Variants in GALK1 observed in about 807,000 individuals in gnomAD.
The protein encoded by GALK1 is galactokinase 1, also known as galactokinase.
Under a neutral mutation model 38.6 loss-of-function variants are expected in GALK1, and 30 were observed. That is an observed-to-expected ratio of 0.78 (90% CI 0.58 to 1.05). GALK1 has a LOEUF of 1.05. Ranked by LOEUF, GALK1 falls within the 50% of genes least tolerant of loss-of-function variation. The probability of loss-of-function intolerance (pLI) is 0.00; values close to 1 mark genes in which losing one functional copy is unlikely to be tolerated. For synonymous variants in GALK1, 240 were observed against 233.6 expected, an observed-to-expected ratio of 1.03 and a Z score of -0.25; for missense variants, 512 against 540.5, an observed-to-expected ratio of 0.95 and a Z score of 0.52.
At chr17:75,764,951 G>A (rs765331402) in intron 1 of GALK1, 21 bp downstream of exon 1, 1 of 1,600,644 alleles carries the variant, frequency 6.2e-7, no homozygotes, top group East Asian at 2.3e-5. Flanking sequence ...CGGGCTAGGG[G>A]CTCCCCGTGC....
At chr17:75,757,092 G>C, downstream of GALK1, 1 of 1,612,978 alleles carries the variant, frequency 6.2e-7, no homozygotes. Context: ...CATCACCATA[G>C]AGTCCCAGGA....
In GALK1 at chr17:75,758,145, G is replaced by C. The variant is rs1160966103; in HGVS notation, c.1108-18C>G. 2 of 1,612,320 alleles carry C rather than the reference G, an allele frequency of 1.2e-6. No individual in the cohort carries two copies. Among genetic ancestry groups the C allele is most frequent in the Non-Finnish European group, 1.7e-6 (2 of 1,179,814 alleles). On this transcript the variant is annotated intron_variant, in intron 7 of 7. Transcript: ENST00000588479. Reference sequence around the variant, plus strand: ...TAGTGCTCCTGTAAGAGGCGGGCTGGGGGTGAGTGGCAGGGCCCCGGGAAG... The same window carrying C: ...TAGTGCTCCTGTAAGAGGCGGGCTGCGGGTGAGTGGCAGGGCCCCGGGAAG...
In GALK1 at chr17:75,762,713, C is replaced by T; in HGVS notation, c.784G>A (p.Glu262Lys). ...CCCTGGCAGTTCTCACCCTCTAGCT[C>T]TTCCAGTTGTACCTCCCGGAGGCTT... ...KESLREVQLE[E>K]LEAARDLVSK... Residue 262 changes from glutamate to lysine, a missense_variant, in exon 5 of 8, where the codon GAG becomes AAG. Glu to Lys is a moderately conservative substitution (Grantham distance 56). Transcript: ENST00000588479. 6.2e-7 allele frequency: 1 copy of T among 1,613,826 alleles called. No individual in the cohort carries two copies. Among genetic ancestry groups the T allele is most frequent in the Non-Finnish European group, 8.5e-7 (1 of 1,180,020 alleles).
chr17:75,758,352 C>T lies in GALK1; in HGVS notation c.965G>A (p.Cys322Tyr), dbSNP rs2061565762. 3 of 1,593,656 alleles carry T rather than the reference C, an allele frequency of 1.9e-6. No individual in the cohort carries two copies. The highest frequency in any genetic ancestry group is 2.6e-6 in the Non-Finnish European group (3 of 1,170,918). ...CTCCACCAGCTGGTCCAGCTCTGGGCAGCTCACCTCATAGTCGTCTCTGCA... is the reference window on the plus strand; with the variant it reads ...CTCCACCAGCTGGTCCAGCTCTGGGTAGCTCACCTCATAGTCGTCTCTGCA... Reference protein sequence around the residue: ...RSLRDDYEVSCPELDQLVEAA... With the variant: ...RSLRDDYEVSYPELDQLVEAA... The change falls in exon 7 of 8, where the codon TGC becomes TAC. Residue 322 changes from cysteine (C) to tyrosine (Y), a missense_variant. Coordinates refer to ENST00000588479, the MANE Select transcript of GALK1 (RefSeq NM_000154.2).
intron 3 of GALK1, 82 bp from the exon 4 acceptor site, chr17:75,763,231 C>T (rs749966530): frequency 6.2e-7 from 1 of 1,610,294 alleles, no homozygotes; most frequent in Admixed American, 1.7e-5. Context: ...GAGTCCCTGC[C>T]ACCCCCTCCA....
chr17:75,763,572 G>T, intron 2 of GALK1, 133 bp from the exon 3 acceptor site: 1 of 1,037,410 alleles, frequency 9.6e-7, no homozygotes, highest in Non-Finnish European at 1.4e-6. Flanking sequence ...ATTGTCAGAA[G>T]CCACCAACCT....
In GALK1 at chr17:75,762,702, A is replaced by G. The variant is rs759699355; in HGVS notation, c.793+2T>C. On this transcript the variant is annotated splice_donor_variant, in intron 5 of 7. Coordinates refer to ENST00000588479, the MANE Select transcript of GALK1 (RefSeq NM_000154.2). LOFTEE classifies it high-confidence loss of function. ...AGGATAGAGCACCCTGGCAGTTCTC[A>G]CCCTCTAGCTCTTCCAGTTGTACCT... 1 of 1,613,496 alleles carries G rather than the reference A, an allele frequency of 6.2e-7. No individual in the cohort carries two copies.
chr17:75,757,400 G>A (rs1287084320), downstream of GALK1: 2 of 1,612,884 alleles, frequency 1.2e-6, no homozygotes, highest in African/African-American at 1.3e-5. Context: ...GTCATCTAAT[G>A]CCTCCTCCTC....
At chr17:75,755,236 G>C (rs1263145612), downstream of GALK1, 1 of 1,594,730 alleles carries the variant, frequency 6.3e-7, no homozygotes, top group Non-Finnish European at 8.6e-7. Context: ...TGGCCATCCT[G>C]TCTCCACAGC....
At chr17:75,763,755 C>A in intron 2 of GALK1, 142 bp downstream of exon 2, 1 of 908,614 alleles carries the variant, frequency 1.1e-6, no homozygotes, top group South Asian at 1.4e-5. Flanking sequence ...CTTCTGGGGG[C>A]ATCAGTTTCC....
chr17:75,757,999 G>C lies in GALK1; in HGVS notation c.*57C>G. On this transcript the variant is annotated 3_prime_UTR_variant, in exon 8 of 8. Coordinates refer to ENST00000588479, the MANE Select transcript of GALK1 (RefSeq NM_000154.2). ...TATGGAAGATGGCACCGGGCACAGA[G>C]CCGTGGGACTGGCCTGCAGGCCCCG... 6.3e-7 allele frequency: 1 copy of C among 1,583,136 alleles called. No homozygotes were observed. Among genetic ancestry groups the C allele is most frequent in the Non-Finnish European group, 8.6e-7 (1 of 1,156,190 alleles).
At chr17:75,759,175 C>T (rs2061573938) in intron 5 of GALK1, among the ~76,000 whole-genome samples, 1 of 152,146 alleles carries the variant, frequency 6.6e-6, no homozygotes, top group Non-Finnish European at 1.5e-5. Context: ...CACCTGTAAT[C>T]CCAGCACTTT....
downstream of GALK1, chr17:75,755,124 G>A (rs779394400): frequency 3.5e-5 from 56 of 1,610,298 alleles, no homozygotes; most frequent in South Asian, 2.4e-4. Flanking sequence ...TCCCGGAGTC[G>A]GGCTCAGATG....
At chr17:75,755,652 GA>G (rs2061479951), downstream of GALK1, 2 of 1,610,018 alleles carry the variant, frequency 1.2e-6, no homozygotes, top group African/African-American at 1.3e-5. Flanking sequence ...GACTCCCACT[GA>G]GACCCTAGCC....
At chr17:75,756,771 C>G (rs375771696), downstream of GALK1, 3 of 1,612,796 alleles carry the variant, frequency 1.9e-6, no homozygotes, top group African/African-American at 2.7e-5. Context: ...TGAGCCCAGA[C>G]TCGCTGCAGC....
chr17:75,758,285 C>A lies in GALK1; in HGVS notation c.1032G>T (p.Thr344=). 1 of 1,591,156 alleles carries A rather than the reference C, an allele frequency of 6.3e-7. No homozygotes were observed. Among genetic ancestry groups the A allele is most frequent in the East Asian group, 2.3e-5 (1 of 43,764 alleles). ...CCGTGCAGCCACCGAAGCCACCGCC[C>A]GTCATGCGGCTGCCATAAACCCCAG... ...AVPGVYGSRM[T]GGGFGGCTVT... Residue 344 remains threonine, a synonymous_variant, in exon 7 of 8, where the codon ACG becomes ACT. Coordinates refer to ENST00000588479, the MANE Select transcript of GALK1 (RefSeq NM_000154.2).
Position 75,763,941 on chromosome 17 carries a change from GGAGTCCCAGGCTCCAGC to G in GALK1, c.294_310del (p.Leu99SerfsTer98), listed in dbSNP as rs760332887. Reference sequence around the variant, plus strand: ...TCCCTTGACATAGTTGGCCCACCGAGGAGTCCCAGGCTCCAGCGAGCGCTGGGCTGTGGGCAGTGGAA... The same window carrying G: ...TCCCTTGACATAGTTGGCCCACCGAGGAGCGCTGGGCTGTGGGCAGTGGAA... On this transcript the variant is annotated frameshift_variant, in exon 2 of 8. Transcript: ENST00000588479. LOFTEE classifies it high-confidence loss of function. The G allele has an allele frequency of 6.2e-7, 1 of 1,613,790 alleles. No individual in the cohort carries two copies. Among genetic ancestry groups the G allele is most frequent in the East Asian group, 2.2e-5 (1 of 44,872 alleles).
At chr17:75,752,305 G>A (rs757408313) in intron 8 of GALK1, 1 of 1,613,098 alleles carries the variant, frequency 6.2e-7, no homozygotes, top group Non-Finnish European at 8.5e-7. Context: ...CTGGGGGCCT[G>A]AGCGGGAGGC....
rs55715426 is a variant in GALK1, at chr17:75,764,739, G to A, written c.165+233C>T. 75,841 of 623,320 alleles carry A rather than the reference G, an allele frequency of 0.12. 5,120 individuals are homozygous for A. The highest frequency in any genetic ancestry group is 0.14 in the Non-Finnish European group (48,795 of 350,300). 38.6% of individuals were successfully genotyped at this position (623,320 alleles called of 1,614,324 possible). A position where few individuals can be genotyped will look rare whatever the true frequency, so the allele number is the denominator to read the frequency against. On this transcript the variant is annotated intron_variant, in intron 1 of 7. Coordinates refer to ENST00000588479, the MANE Select transcript of GALK1 (RefSeq NM_000154.2). ...AGGAGCCCCAGCCCCCAGAGGGCGGGCTTGAGCCAAGAGGCGGCCGCGCAC... is the reference window on the plus strand; with the variant it reads ...AGGAGCCCCAGCCCCCAGAGGGCGGACTTGAGCCAAGAGGCGGCCGCGCAC...
Sources: allele counts gnomAD v4.1 joint callset (sites outside exome capture counted in the v4.1 genomes callset), GRCh38; gene constraint gnomAD v4.1.1; transcripts MANE v1.5; gene names NCBI Gene and HGNC (gene_info 2026-07-23, HGNC 2026-07-21).